The following GNG12 variants were observed in gnomAD, a reference collection of about 807,000 sequenced individuals.
GNG12 encodes G protein subunit gamma 12.
For synonymous variants in GNG12, 28 were observed against 29.7 expected (o/e 0.94, Z 0.19); for missense variants, 69 against 83.8 (o/e 0.82, Z 0.69).
chr1:67,707,444 A>G, intron 3 of GNG12, 150 bp downstream of exon 3: 1 of 639,526 alleles, frequency 1.6e-6, no homozygotes, highest in Non-Finnish European at 2.8e-6. Flanking sequence ...GGAAAATGAA[A>G]GTTAGGATTT....
At chr1:67,733,069 C>A (rs1275144669) in intron 2 of GNG12, among the ~76,000 whole-genome samples, 3 of 152,214 alleles carry the variant, frequency 2.0e-5, no homozygotes, top group African/African-American at 7.2e-5. Context: ...CCACACACTG[C>A]ACAGCCCAGT....
intron 1 of GNG12, among the ~76,000 whole-genome samples, chr1:67,784,610 A>G (rs558452320): frequency 2.0e-4 from 31 of 152,220 alleles, no homozygotes; most frequent in African/African-American, 7.2e-4. Context: ...TCGAAAAACA[A>G]TTAATTTTAT....
chr1:67,805,631 A>G (rs906094533), intron 1 of GNG12, among the ~76,000 whole-genome samples: 11 of 152,182 alleles, frequency 7.2e-5, no homozygotes, highest in Non-Finnish European at 1.6e-4. Flanking sequence ...AAAAAACATG[A>G]AAAGAAGCAA....
intron 2 of GNG12, among the ~76,000 whole-genome samples, chr1:67,773,117 C>G (rs1646684518): frequency 6.6e-6 from 1 of 152,158 alleles, no homozygotes; most frequent in Non-Finnish European, 1.5e-5. Context: ...AACCAAAATA[C>G]TCCTAATAAA....
chr1:67,761,742 G>T (rs1172086219), intron 2 of GNG12, among the ~76,000 whole-genome samples: 1 of 152,120 alleles, frequency 6.6e-6, no homozygotes, highest in Non-Finnish European at 1.5e-5. Context: ...TTAACCCTTA[G>T]TCCCTTACCC....
At chr1:67,717,355 A>G (rs1447226448) in intron 2 of GNG12, among the ~76,000 whole-genome samples, 3 of 152,114 alleles carry the variant, frequency 2.0e-5, no homozygotes, top group African/African-American at 7.2e-5. Flanking sequence ...TCTCTACTAA[A>G]AAAAGGAAAA....
chr1:67,825,062 G>T (rs573934501), intron 1 of GNG12, among the ~76,000 whole-genome samples: 1 of 152,328 alleles, frequency 6.6e-6, no homozygotes, highest in African/African-American at 2.4e-5. Flanking sequence ...TTAAAAAAGA[G>T]GGCAAGGCAT....
chr1:67,788,504 T>C (rs1341682088), intron 1 of GNG12, among the ~76,000 whole-genome samples: 1 of 151,898 alleles, frequency 6.6e-6, no homozygotes, highest in Non-Finnish European at 1.5e-5. Context: ...CAGCTAGTTT[T>C]TGTATTTTTT....
At chr1:67,770,495 C>T (rs760066843) in intron 2 of GNG12, among the ~76,000 whole-genome samples, 1 of 152,096 alleles carries the variant, frequency 6.6e-6, no homozygotes, top group Non-Finnish European at 1.5e-5. Context: ...GAACCCTGGA[C>T]ACCCAGAGTG....
rs555759675 is a variant in GNG12, at chr1:67,773,778, G to A, written c.-27+3680C>T. Among the ~76,000 whole-genome samples, 8 of 152,218 alleles carry A rather than the reference G, an allele frequency of 5.3e-5. No individual in the cohort carries two copies. In the South Asian group the frequency reaches 1.0e-3, roughly 20 times the overall value. On this transcript the variant is annotated intron_variant, in intron 2 of 3. Transcript: ENST00000370982. ...AGGGATGGTAAGTAGATTTCAACTC[G>A]CGTGCCCAATCTGGTCCACAACTAA...
intron 2 of GNG12, among the ~76,000 whole-genome samples, chr1:67,763,495 C>T (rs1057514337): frequency 8.6e-5 from 13 of 150,732 alleles, no homozygotes; most frequent in African/African-American, 2.9e-4. Flanking sequence ...AGGTTATGCA[C>T]GTTTGGTAGG....
chr1:67,766,120 A>G lies in GNG12; in HGVS notation c.-27+11338T>C, dbSNP rs1218117108. ...AAGGCACACACGCACACACACACAC[A>G]CACACACACACACACACACACACAC... On this transcript the variant is annotated intron_variant, in intron 2 of 3. Coordinates refer to ENST00000370982, the MANE Select transcript of GNG12 (RefSeq NM_018841.6). 1.9e-4 allele frequency among the ~76,000 whole-genome samples: 27 copies of G among 144,524 alleles called. 1 individual carries two copies. The highest frequency in any genetic ancestry group is 4.2e-4 in the African/African-American group (16 of 38,308). The allele number at this position is 144,524 out of a possible 152,430, so 94.8% of individuals were successfully genotyped here.
At chr1:67,764,850 C>T (rs1646626609) in intron 2 of GNG12, among the ~76,000 whole-genome samples, 3 of 152,202 alleles carry the variant, frequency 2.0e-5, no homozygotes, top group Non-Finnish European at 4.4e-5. Flanking sequence ...TCACTATCAC[C>T]TCTGGACTTT....
rs1372140866 is a variant in GNG12, at chr1:67,702,613, A to G, written c.*2838T>C. 3 of 152,162 alleles carry G rather than the reference A, an allele frequency of 2.0e-5. No homozygotes were observed. The highest frequency in any genetic ancestry group is 7.2e-5 in the African/African-American group (3 of 41,458). The allele number at this position is 152,162 out of a possible 1,614,324, so 9.4% of individuals were successfully genotyped here. A position where few individuals can be genotyped will look rare whatever the true frequency, so the allele number is the denominator to read the frequency against. ...AAAACCTGACATTTTTTAGAAGAAAAAAAAAAACTAGCTATGAGCCATCAC... is the reference window on the plus strand; with the variant it reads ...AAAACCTGACATTTTTTAGAAGAAAGAAAAAAACTAGCTATGAGCCATCAC... On this transcript the variant is annotated 3_prime_UTR_variant, in exon 4 of 4. Transcript: ENST00000370982.
intron 1 of GNG12, among the ~76,000 whole-genome samples, chr1:67,798,756 C>T (rs1380283896): frequency 6.6e-6 from 1 of 152,056 alleles, no homozygotes; most frequent in Admixed American, 6.6e-5. Flanking sequence ...GAGATCGAGA[C>T]CATCCTGGCC....
At chr1:67,779,059 C>T (rs772454641) in intron 1 of GNG12, among the ~76,000 whole-genome samples, 28 of 152,074 alleles carry the variant, frequency 1.8e-4, no homozygotes, top group Non-Finnish European at 3.7e-4. Flanking sequence ...CATGGAAAAT[C>T]TTCTTTTGGT....
At chr1:67,793,756 C>T (rs891741078) in intron 1 of GNG12, among the ~76,000 whole-genome samples, 1 of 152,218 alleles carries the variant, frequency 6.6e-6, no homozygotes, top group Admixed American at 6.5e-5. Context: ...CAAAGCTTCA[C>T]TGCCAGCCCT....
chr1:67,813,162 G>C lies in GNG12; in HGVS notation c.-77+20182C>G, dbSNP rs531163540. Among the ~76,000 whole-genome samples, 5 of 101,538 alleles carry C rather than the reference G, an allele frequency of 4.9e-5. No individual in the cohort carries two copies. The Admixed American group carries it at 6.0e-4, about 12-fold the overall frequency. 66.6% of individuals were successfully genotyped at this position (101,538 alleles called of 152,430 possible). On this transcript the variant is annotated intron_variant, in intron 1 of 3. Coordinates refer to ENST00000370982, the MANE Select transcript of GNG12 (RefSeq NM_018841.6). ...TTATCAAATTAGATCAAGAGAACATGCTCTTGGACTTATTTCCCGTAGAAA... is the reference window on the plus strand; with the variant it reads ...TTATCAAATTAGATCAAGAGAACATCCTCTTGGACTTATTTCCCGTAGAAA...
intron 2 of GNG12, among the ~76,000 whole-genome samples, chr1:67,748,515 C>T (rs890603468): frequency 6.6e-6 from 1 of 152,150 alleles, no homozygotes; most frequent in Non-Finnish European, 1.5e-5. Flanking sequence ...AGAAATCGTG[C>T]TTGGGGGGAT....
Sources: allele counts gnomAD v4.1 joint callset (sites outside exome capture counted in the v4.1 genomes callset), GRCh38; gene constraint gnomAD v4.1.1; transcripts MANE v1.5; gene names NCBI Gene and HGNC (gene_info 2026-07-23, HGNC 2026-07-21).